The following ANKS4B variants were observed in gnomAD, a reference collection of about 807,000 sequenced individuals.
ANKS4B encodes ankyrin repeat and SAM domain-containing protein 4B.
In ANKS4B, 21 loss-of-function variants were observed where a neutral mutation model predicts 20.2. That is an observed-to-expected ratio of 1.04 (90% CI 0.74 to 1.50). The LOEUF (loss-of-function observed/expected upper bound fraction) is 1.50. ANKS4B is among the 40% of genes most tolerant of loss of function. ANKS4B has a pLI of 0.00. For missense variants in ANKS4B, 473 were observed against 494.6 expected, an observed-to-expected ratio of 0.96 and a Z score of 0.41; for synonymous variants, 179 against 194.5, an observed-to-expected ratio of 0.92 and a Z score of 0.66.
In ANKS4B at chr16:21,253,347, G is replaced by A. The variant is rs2093341852; in HGVS notation, c.*2527G>A. 6.6e-6 allele frequency: 1 copy of A among 152,198 alleles called. No homozygotes were observed. The highest frequency in any genetic ancestry group is 1.5e-5 in the Non-Finnish European group (1 of 68,034). 9.4% of individuals were successfully genotyped at this position (152,198 alleles called of 1,614,324 possible). ...CTTCCTCAATGAATATATTCAGAAA[G>A]CTTGTTAGCCATTGAATAAACACGT... On this transcript the variant is annotated 3_prime_UTR_variant, in exon 2 of 2. Transcript: ENST00000311620.
chr16:21,245,535 G>T (rs759684935), intron 1 of ANKS4B, among the ~76,000 whole-genome samples: 1 of 151,960 alleles, frequency 6.6e-6, no homozygotes, highest in Admixed American at 6.6e-5. Context: ...GTGCGGCGGC[G>T]CAATCTCGGC....
At position 21,252,489 on chromosome 16, in the gene ANKS4B, G is replaced by A. The variant is rs1464059996; in HGVS notation, c.*1669G>A. 6.6e-6 allele frequency: 1 copy of A among 152,202 alleles called. No individual in the cohort carries two copies. Among genetic ancestry groups the A allele is most frequent in the Non-Finnish European group, 1.5e-5 (1 of 68,034 alleles). The allele number at this position is 152,202 out of a possible 1,614,324, so 9.4% of individuals were successfully genotyped here. ...ATGGCAGTCCTAGCAGAATAATACT[G>A]TCCTAAGTAAGAGGGTTGGGGAGGA... On this transcript the variant is annotated 3_prime_UTR_variant, in exon 2 of 2. Coordinates refer to ENST00000311620, the MANE Select transcript of ANKS4B (RefSeq NM_145865.3).
rs1322822627 is a variant in ANKS4B, at chr16:21,249,739, C to G, written c.173C>G (p.Pro58Arg). 6.2e-7 allele frequency: 1 copy of G among 1,609,354 alleles called. No individual in the cohort carries two copies. The highest frequency in any genetic ancestry group is 8.5e-7 in the Non-Finnish European group (1 of 1,176,248). ...LEIICSRGGD[P>R]DRCDIWGNTP... is the part of the protein sequence containing the mutation. ...CTCTCTCTCTCTTCTAGAGGGGACC[C>G]TGATAGGTGTGACATCTGGGGAAAC... Residue 58 changes from proline to arginine, a missense_variant, in exon 2 of 2, where the codon CCT becomes CGT. Physicochemically the swap from Pro to Arg is moderately radical, Grantham distance 103. Transcript: ENST00000311620.
chr16:21,245,008 C>A (rs78663816), intron 1 of ANKS4B, among the ~76,000 whole-genome samples: 2 of 152,190 alleles, frequency 1.3e-5, no homozygotes, highest in Admixed American at 1.3e-4. Context: ...CCTCTGCTCA[C>A]ACTGTTCTCT....
rs2093341953 is a variant in ANKS4B at position 21,253,451 on chromosome 16, C to T, written c.*2631C>T. The T allele has an allele frequency of 2.0e-5, 3 of 152,174 alleles. No homozygotes were observed. 9.4% of individuals were successfully genotyped at this position (152,174 alleles called of 1,614,324 possible). A position where few individuals can be genotyped will look rare whatever the true frequency, so the allele number is the denominator to read the frequency against. ...TTGTGCTTTCCTTCATTAACGTGCACAGAAGCAGTTGGCAAATAGAAAGTG... is the reference window on the plus strand; with the variant it reads ...TTGTGCTTTCCTTCATTAACGTGCATAGAAGCAGTTGGCAAATAGAAAGTG... On this transcript the variant is annotated 3_prime_UTR_variant, in exon 2 of 2. Transcript: ENST00000311620.
At chr16:21,243,271 T>A (rs1393591343) in intron 1 of ANKS4B, among the ~76,000 whole-genome samples, 1 of 152,150 alleles carries the variant, frequency 6.6e-6, no homozygotes, top group Non-Finnish European at 1.5e-5. Context: ...AAATGGGTTA[T>A]TTTAAAATCT....
chr16:21,246,097 C>T (rs1366818464), intron 1 of ANKS4B, among the ~76,000 whole-genome samples: 7 of 151,924 alleles, frequency 4.6e-5, no homozygotes, highest in Admixed American at 2.6e-4. Context: ...TTTTATTTTT[C>T]GTAGAAAGGG....
Position 21,233,878 on chromosome 16 carries a change from C to T in ANKS4B, c.141C>T (p.Ala47=). 6.2e-7 allele frequency: 1 copy of T among 1,613,312 alleles called. No homozygotes were observed. The highest frequency in any genetic ancestry group is 8.5e-7 in the Non-Finnish European group (1 of 1,179,638). Residue 47 remains alanine, a synonymous_variant, in exon 1 of 2, where the codon GCC becomes GCT. Transcript: ENST00000311620. The part of the protein sequence containing the change: ...LLAAYHGNLE[A]LEIICSRGGD... ...CAGCCTACCATGGGAACTTGGAAGC[C>T]CTAGAGATAATCTGCAGTAGAGGGT...
At chr16:21,243,236 A>G (rs1002065181) in intron 1 of ANKS4B, among the ~76,000 whole-genome samples, 24 of 152,212 alleles carry the variant, frequency 1.6e-4, no homozygotes, top group Non-Finnish European at 2.9e-4. Context: ...GCCCAAATGC[A>G]CTGATCTACC....
At chr16:21,249,406 G>T (rs1357284346) in intron 1 of ANKS4B, among the ~76,000 whole-genome samples, 1 of 152,204 alleles carries the variant, frequency 6.6e-6, no homozygotes. Flanking sequence ...AGCCTGGGAG[G>T]TCAAGGCTGC....
intron 1 of ANKS4B, among the ~76,000 whole-genome samples, chr16:21,235,291 G>T (rs998801556): frequency 6.6e-6 from 1 of 152,218 alleles, no homozygotes; most frequent in African/African-American, 2.4e-5. Flanking sequence ...CTAGACGAAA[G>T]AGTGTTTTCC....
intron 1 of ANKS4B, chr16:21,243,821 C>G (rs1464749614): frequency 6.6e-6 from 1 of 152,154 alleles, no homozygotes; most frequent in African/African-American, 2.4e-5. Flanking sequence ...GATCCACCCA[C>G]CTTGGCCTCC....
At chr16:21,246,996 C>A (rs2093333090) in intron 1 of ANKS4B, among the ~76,000 whole-genome samples, 1 of 152,058 alleles carries the variant, frequency 6.6e-6, no homozygotes, top group Admixed American at 6.6e-5. Context: ...TACGAATCAC[C>A]TGCGGATCTT....
At position 21,250,828 on chromosome 16, in the gene ANKS4B, T is replaced by G; in HGVS notation, c.*8T>G. 6.3e-7 allele frequency: 1 copy of G among 1,579,518 alleles called. No homozygotes were observed. Among genetic ancestry groups the G allele is most frequent in the Non-Finnish European group, 8.6e-7 (1 of 1,157,708 alleles). On this transcript the variant is annotated 3_prime_UTR_variant, in exon 2 of 2. Transcript: ENST00000311620. ...GTCGACACCAGCCTGTGATGGAGAGTTTTGGCCTGGAGCATTGGGGTGATG... is the reference window on the plus strand; with the variant it reads ...GTCGACACCAGCCTGTGATGGAGAGGTTTGGCCTGGAGCATTGGGGTGATG...
Position 21,250,954 on chromosome 16 carries a change from G to C in ANKS4B, c.*134G>C. 1 of 1,310,758 alleles carries C rather than the reference G, an allele frequency of 7.6e-7. No homozygotes were observed. The highest frequency in any genetic ancestry group is 2.4e-5 in the East Asian group (1 of 41,928). The allele number at this position is 1,310,758 out of a possible 1,614,324, so 81.2% of individuals were successfully genotyped here. Reference sequence around the variant, plus strand: ...GCATCGGAAATGCCTACCTGAGAGAGAGACCCAAACTTTACTCTGGGAGGT... The same window carrying C: ...GCATCGGAAATGCCTACCTGAGAGACAGACCCAAACTTTACTCTGGGAGGT... On this transcript the variant is annotated 3_prime_UTR_variant, in exon 2 of 2. Coordinates refer to ENST00000311620, the MANE Select transcript of ANKS4B (RefSeq NM_145865.3).
chr16:21,244,686 G>T (rs2093330288), intron 1 of ANKS4B, among the ~76,000 whole-genome samples: 1 of 152,122 alleles, frequency 6.6e-6, no homozygotes, highest in African/African-American at 2.4e-5. Context: ...TTTGCATCTA[G>T]TGTTTATTTA....
chr16:21,253,349 T>G lies in ANKS4B; in HGVS notation c.*2529T>G, dbSNP rs988396585. Reference sequence around the variant, plus strand: ...TCCTCAATGAATATATTCAGAAAGCTTGTTAGCCATTGAATAAACACGTTG... The same window carrying G: ...TCCTCAATGAATATATTCAGAAAGCGTGTTAGCCATTGAATAAACACGTTG... On this transcript the variant is annotated 3_prime_UTR_variant, in exon 2 of 2. Coordinates refer to ENST00000311620, the MANE Select transcript of ANKS4B (RefSeq NM_145865.3). 1 of 152,252 alleles carries G rather than the reference T, an allele frequency of 6.6e-6. No homozygotes were observed. The highest frequency in any genetic ancestry group is 1.9e-4 in the East Asian group (1 of 5,206). The allele number at this position is 152,252 out of a possible 1,614,324, so 9.4% of individuals were successfully genotyped here.
Position 21,237,959 on chromosome 16 carries a change from C to T in ANKS4B, c.164+4058C>T, listed in dbSNP as rs949742323. On this transcript the variant is annotated intron_variant, in intron 1 of 1. Coordinates refer to ENST00000311620, the MANE Select transcript of ANKS4B (RefSeq NM_145865.3). ...GGCAGATCACTTGAGGCCAGGAGTT[C>T]GAGGCCAGCCTGGCCAACATGGTGA... Among the ~76,000 whole-genome samples the T allele has an allele frequency of 2.6e-5, 4 of 152,100 alleles. No homozygotes were observed. The East Asian group carries it at 5.8e-4, about 22-fold the overall frequency.
chr16:21,250,631 G>T lies in ANKS4B; in HGVS notation c.1065G>T (p.Gln355His). Residue 355 changes from glutamine to histidine, a missense_variant, in exon 2 of 2, where the codon CAG (glutamine) becomes CAT (histidine). Physicochemically the swap from Gln to His is conservative, Grantham distance 24 (BLOSUM62 0). Coordinates refer to ENST00000311620, the MANE Select transcript of ANKS4B (RefSeq NM_145865.3). ...ATPLEVFLLSQHLEEFLPIFK... is the reference protein window; with the variant it reads ...ATPLEVFLLSHHLEEFLPIFK... ...CCCTGGAAGTGTTCTTGCTGTCTCA[G>T]CACCTGGAAGAATTCCTGCCTATCT... 20 of 1,614,002 alleles carry T rather than the reference G, an allele frequency of 1.2e-5. No homozygotes were observed. The highest frequency in any genetic ancestry group is 1.7e-5 in the Non-Finnish European group (20 of 1,179,884).
Sources: gnomAD v4.1 joint callset for allele counts (sites outside exome capture counted in the v4.1 genomes callset) on GRCh38, gnomAD v4.1.1 for gene constraint, MANE v1.5 for transcripts, NCBI Gene and HGNC (gene_info 2026-07-23, HGNC 2026-07-21) for gene names.